TRPV5: variants seen among roughly 807,000 people sequenced by gnomAD.
TRPV5 encodes transient receptor potential cation channel subfamily V member 5.
A neutral mutation model predicts 74.1 loss-of-function variants in TRPV5; 66 were observed. The ratio of observed to expected loss-of-function variants is 0.89; its 90% CI spans 0.73 to 1.09. The LOEUF (loss-of-function observed/expected upper bound fraction) is 1.09. Among genes scored for constraint, TRPV5 ranks in the 50% least tolerant of loss-of-function variants. The pLI is 0.00. For missense variants in TRPV5, 936 were observed against 930.4 expected (o/e 1.01, Z -0.08); for synonymous variants, 399 against 360.7 (o/e 1.11, Z -1.20).
chr7:142,928,301 T>C, intron 6 of TRPV5, 67 bp from the exon 7 acceptor site: 9 of 1,570,734 alleles, frequency 5.7e-6, no homozygotes, highest in Non-Finnish European at 7.9e-6. Context: ...AACAACTCCA[T>C]TGGATGGAGC....
rs1039808307 is a variant in TRPV5 at position 142,914,714 on chromosome 7, A to G, written c.1453-8T>C. ...TAGGTCTCCAAAAATCATCTGCAGGAAACAGAAGGAAGAAAGGGTGGGATG... is the reference window on the plus strand; with the variant it reads ...TAGGTCTCCAAAAATCATCTGCAGGGAACAGAAGGAAGAAAGGGTGGGATG... On this transcript the variant is annotated splice_polypyrimidine_tract_variant and splice_region_variant and intron_variant, in intron 11 of 14. Transcript: ENST00000265310. 6.2e-7 allele frequency: 1 copy of G among 1,613,444 alleles called. No homozygotes were observed. The highest frequency in any genetic ancestry group is 1.3e-5 in the African/African-American group (1 of 74,898).
chr7:142,928,293 C>A lies in TRPV5; in HGVS notation c.763-59G>T, dbSNP rs1796022850. 6.0e-5 allele frequency: 96 copies of A among 1,593,172 alleles called. 2 individuals carry two copies. In the South Asian group the frequency reaches 1.1e-3, roughly 17 times the overall value. On this transcript the variant is annotated intron_variant, in intron 6 of 14. Transcript: ENST00000265310. ...CGTGTGAGAAGGTGGTCGAGGAGAA[C>A]AACTCCATTGGATGGAGCCAGTTGC...
chr7:142,924,382 A>ATATACATATACATG (rs1795947675), intron 8 of TRPV5, among the ~76,000 whole-genome samples: 2 of 118,368 alleles, frequency 1.7e-5, no homozygotes, highest in African/African-American at 8.2e-5. Context: ...ATACATATAT[A>ATATACATATACATG]TATATATATA....
chr7:142,914,733 T>A, intron 11 of TRPV5, 27 bp from the exon 12 acceptor site: 1 of 1,610,716 alleles, frequency 6.2e-7, no homozygotes, highest in Non-Finnish European at 8.5e-7. Flanking sequence ...GAAGAAAGGG[T>A]GGGATGATTC....
intron 8 of TRPV5, 123 bp from the exon 9 acceptor site, chr7:142,915,691 C>A: frequency 2.3e-6 from 2 of 856,388 alleles, no homozygotes; most frequent in East Asian, 5.3e-5. Context: ...ACCAGCATCA[C>A]CCCACCCCCA....
chr7:142,933,581 T>A lies in TRPV5; in HGVS notation c.-122A>T, dbSNP rs1796135562. The stretch of plus-strand genomic sequence containing the variant: ...GCTGGGACTCTGAGTTTATCTCCTG[T>A]ATGACTTGTGTATGCAGCATGCAGC... On this transcript the variant is annotated 5_prime_UTR_variant, in exon 1 of 15. Coordinates refer to ENST00000265310, the MANE Select transcript of TRPV5 (RefSeq NM_019841.7). 3 of 1,362,724 alleles carry A rather than the reference T, an allele frequency of 2.2e-6. No homozygotes were observed. The highest frequency in any genetic ancestry group is 2.8e-5 in the South Asian group (2 of 72,548). 84.4% of individuals were successfully genotyped at this position (1,362,724 alleles called of 1,614,324 possible).
chr7:142,930,087 A>T lies in TRPV5; in HGVS notation c.320T>A (p.Phe107Tyr), dbSNP rs1439994942. 1 of 1,614,144 alleles carries T rather than the reference A, an allele frequency of 6.2e-7. No individual in the cohort carries two copies. Among genetic ancestry groups the T allele is most frequent in the East Asian group, 2.2e-5 (1 of 44,882 alleles). ...AAAAGCCTCACATGTGGTGGGCTCA[A>T]AGACCAGCTCTGGGGCAGCCTCCAT... ...VLMEAAPELV[F>Y]EPTTCEAFAG... The change falls in exon 3 of 15, where the codon TTT becomes TAT. Residue 107 changes from phenylalanine to tyrosine, a missense_variant. Transcript: ENST00000265310.
In TRPV5 at chr7:142,912,839, T is replaced by TCTATCTAC. The variant is rs1181307863; in HGVS notation, c.1520-90_1520-89insGTAGATAG. ...TGGTTAGCACTTATTCTATCTCTGA[T>TCTATCTAC]CTATCTATCTATCTATCTATCTATC... On this transcript the variant is annotated intron_variant, in intron 12 of 14. Coordinates refer to ENST00000265310, the MANE Select transcript of TRPV5 (RefSeq NM_019841.7). The TCTATCTAC allele has an allele frequency of 4.1e-6, 3 of 738,050 alleles. No individual in the cohort carries two copies. In the African/African-American group the frequency reaches 5.8e-5, roughly 14 times the overall value. The allele number at this position is 738,050 out of a possible 1,614,324, so 45.7% of individuals were successfully genotyped here. A position where few individuals can be genotyped will look rare whatever the true frequency, so the allele number is the denominator to read the frequency against.
chr7:142,915,011 AC>A lies in TRPV5; in HGVS notation c.1321del (p.Val441Ter). 6.2e-7 allele frequency: 1 copy of A among 1,614,118 alleles called. No homozygotes were observed. Among genetic ancestry groups the A allele is most frequent in the Non-Finnish European group, 8.5e-7 (1 of 1,180,006 alleles). On this transcript the variant is annotated frameshift_variant, in exon 11 of 15. Transcript: ENST00000265310. LOFTEE classifies it high-confidence loss of function. Reference sequence around the variant, plus strand: ...CCCATTGGTGTTGGTGAGCCGCATCACCATGGTCACCAGCACCAGGGAGGCA... The same window carrying A: ...CCCATTGGTGTTGGTGAGCCGCATCACATGGTCACCAGCACCAGGGAGGCA... Reference protein sequence around the residue: ...TYASLVLVTMVMRLTNTNGEV... With the variant: ...TYASLVLVTMXMRLTNTNGEV...
rs1200196827 is a variant in TRPV5 at position 142,914,947 on chromosome 7, C to T, written c.1386G>A (p.Trp462Ter). Reference sequence around the variant, plus strand: ...CTCGAGTGAAATACATGACACTGCACCAGCCCAGCACCAGGGCAAAGGACA... The same window carrying T: ...CTCGAGTGAAATACATGACACTGCATCAGCCCAGCACCAGGGCAAAGGACA... ...VPMSFALVLG[W>*]CSVMYFTRGF... is the part of the protein sequence containing the mutation. Residue 462 changes from tryptophan to a stop codon, truncating the protein, a stop_gained, in exon 11 of 15, where the codon TGG becomes TGA. Transcript: ENST00000265310. LOFTEE classifies it high-confidence loss of function. 3 of 1,614,136 alleles carry T rather than the reference C, an allele frequency of 1.9e-6. No homozygotes were observed. In the African/African-American group the frequency reaches 4.0e-5, roughly 22 times the overall value.
intron 12 of TRPV5, 103 bp downstream of exon 12, chr7:142,914,537 G>T: frequency 2.0e-6 from 2 of 1,021,526 alleles, no homozygotes; most frequent in Non-Finnish European, 2.9e-6. Flanking sequence ...CAAAAAAAAA[G>T]AAAGCAAAAT....
intron 13 of TRPV5, among the ~76,000 whole-genome samples, chr7:142,911,579 C>T (rs1012229889): frequency 6.6e-6 from 1 of 152,188 alleles, no homozygotes. Flanking sequence ...TTCTCTATAG[C>T]ACTTTTGCTG....
intron 8 of TRPV5, among the ~76,000 whole-genome samples, chr7:142,918,509 C>T (rs1299425912): frequency 6.6e-6 from 1 of 152,244 alleles, no homozygotes; most frequent in South Asian, 2.1e-4. Flanking sequence ...TTCTAAAACA[C>T]AGATATCATC....
At position 142,908,138 on chromosome 7, in the gene TRPV5, G is replaced by A. The variant is rs556563970; in HGVS notation, c.*376C>T. On this transcript the variant is annotated 3_prime_UTR_variant, in exon 15 of 15. Transcript: ENST00000265310. ...GGCCACAACCTCTATGCCATGCCTG[G>A]CTCTTCCCACGTAAGCCCTGGGGAG... The A allele has an allele frequency of 2.0e-5, 5 of 245,222 alleles. No individual in the cohort carries two copies. The East Asian group carries it at 4.3e-4, about 21-fold the overall frequency. 15.2% of individuals were successfully genotyped at this position (245,222 alleles called of 1,614,324 possible). A position where few individuals can be genotyped will look rare whatever the true frequency, so the allele number is the denominator to read the frequency against.
intron 5 of TRPV5, 21 bp from the exon 6 acceptor site, chr7:142,928,887 C>G (rs371349927): frequency 5.3e-5 from 85 of 1,613,176 alleles, no homozygotes; most frequent in Non-Finnish European, 7.0e-5. Flanking sequence ...CGCAGGGTAT[C>G]ATGTGGCCAC....
At chr7:142,918,756 A>G (rs1436251554) in intron 8 of TRPV5, among the ~76,000 whole-genome samples, 4 of 152,238 alleles carry the variant, frequency 2.6e-5, no homozygotes, top group Admixed American at 1.3e-4. Context: ...TGAGTAAGAC[A>G]TGGGTGAGAA....
At position 142,912,576 on chromosome 7, in the gene TRPV5, A is replaced by G. The variant is rs376114033; in HGVS notation, c.1694T>C (p.Ile565Thr). 3 of 1,614,168 alleles carry G rather than the reference A, an allele frequency of 1.9e-6. No homozygotes were observed. Among genetic ancestry groups the G allele is most frequent in the Admixed American group, 3.3e-5 (2 of 60,038 alleles). The change falls in exon 13 of 15, where the codon ATT becomes ACT. Residue 565 changes from isoleucine to threonine, a missense_variant. Coordinates refer to ENST00000265310, the MANE Select transcript of TRPV5 (RefSeq NM_019841.7). ...FSIVNFAFTI[I>T]ATLLMLNLFI... ...CAAGTTGAGCATGAGCAGTGTGGCA[A>G]TGATGGTGAAGGCGAAGTTGACAAT...
chr7:142,909,362 C>T, intron 14 of TRPV5, 128 bp downstream of exon 14: 1 of 916,468 alleles, frequency 1.1e-6, no homozygotes, highest in Non-Finnish European at 1.7e-6. Context: ...ATTCTTCGTA[C>T]CCCTCCACTT....
In TRPV5 at chr7:142,930,057, C is replaced by A. The variant is rs1234897999; in HGVS notation, c.349+1G>T. The stretch of plus-strand genomic sequence containing the variant: ...CTTGAATTACCATGTAGGCTCCTTA[C>A]CTGCAAAAGCCTCACATGTGGTGGG... On this transcript the variant is annotated splice_donor_variant, in intron 3 of 14. Transcript: ENST00000265310. LOFTEE classifies it high-confidence loss of function. 6.2e-7 allele frequency: 1 copy of A among 1,614,002 alleles called. No homozygotes were observed.
Sources: allele counts gnomAD v4.1 joint callset (sites outside exome capture counted in the v4.1 genomes callset), GRCh38; gene constraint gnomAD v4.1.1; transcripts MANE v1.5; gene names NCBI Gene and HGNC (gene_info 2026-07-23, HGNC 2026-07-21).